KCNMA1: variants seen among roughly 807,000 people sequenced by gnomAD.
The protein encoded by KCNMA1 is Calcium-activated potassium channel subunit alpha-1.
Under a neutral mutation model 140.0 loss-of-function variants are expected in KCNMA1, and 29 were observed. The observed-to-expected ratio is 0.21, with a 90% confidence interval of 0.15 to 0.28. KCNMA1 has a LOEUF of 0.28. KCNMA1 is among the 10% of genes least tolerant of loss of function. The pLI, the probability that KCNMA1 is intolerant of heterozygous loss-of-function variation, is 1.00. For missense variants in KCNMA1, 880 were observed against 1,602.2 expected (o/e 0.55, Z 7.70); for synonymous variants, 612 against 611.9 (o/e 1.00, Z 0.00).
At position 77,019,001 on chromosome 10, in the gene KCNMA1, A is replaced by C; in HGVS notation, c.2015+12T>G. 1 of 1,494,384 alleles carries C rather than the reference A, an allele frequency of 6.7e-7. No homozygotes were observed. The highest frequency in any genetic ancestry group is 9.3e-7 in the Non-Finnish European group (1 of 1,071,316). The allele number at this position is 1,494,384 out of a possible 1,614,324, so 92.6% of individuals were successfully genotyped here. A position where few individuals can be genotyped will look rare whatever the true frequency, so the allele number is the denominator to read the frequency against. ...GGGCCAGAAAGAAAGCCAGTTGAAA[A>C]TAAACTCTTACCTTTTAACTTCTTT... On this transcript the variant is annotated intron_variant, in intron 17 of 27. Transcript: ENST00000286628.
intron 1 of KCNMA1, among the ~76,000 whole-genome samples, chr10:77,449,541 A>T (rs2097588211): frequency 6.6e-6 from 1 of 152,066 alleles, no homozygotes; most frequent in Non-Finnish European, 1.5e-5. Context: ...GGTGGGCAGA[A>T]AACTTTTACT....
intron 5 of KCNMA1, among the ~76,000 whole-genome samples, chr10:77,161,561 T>C (rs2098554806): frequency 6.6e-6 from 1 of 152,146 alleles, no homozygotes; most frequent in South Asian, 2.1e-4. Context: ...TAATAGTAGT[T>C]ACTGCATTGC....
chr10:77,195,173 G>T (rs922124584), intron 3 of KCNMA1, among the ~76,000 whole-genome samples: 1 of 152,106 alleles, frequency 6.6e-6, no homozygotes, highest in Non-Finnish European at 1.5e-5. Flanking sequence ...AAATAAAATA[G>T]CTGTGTCTTA....
intron 3 of KCNMA1, among the ~76,000 whole-genome samples, chr10:77,218,549 T>C (rs2048534906): frequency 1.3e-5 from 2 of 152,068 alleles, no homozygotes; most frequent in African/African-American, 4.8e-5. Flanking sequence ...AGTAGAAGTC[T>C]CCTCTGAGCT....
At chr10:76,996,608 C>CAG (rs141376685) in intron 19 of KCNMA1, among the ~76,000 whole-genome samples, 292 of 150,230 alleles carry the variant, frequency 1.9e-3, no homozygotes, top group African/African-American at 5.7e-3. Flanking sequence ...GATATTGACA[C>CAG]AGAGAGAGAG....
chr10:77,207,140 T>C (rs1463472145), intron 3 of KCNMA1, among the ~76,000 whole-genome samples: 1 of 152,202 alleles, frequency 6.6e-6, no homozygotes, highest in Non-Finnish European at 1.5e-5. Flanking sequence ...AATTTTTTTT[T>C]CTAGATTATG....
intron 1 of KCNMA1, among the ~76,000 whole-genome samples, chr10:77,494,948 G>A (rs575096068): frequency 5.9e-5 from 9 of 152,262 alleles, no homozygotes; most frequent in African/African-American, 1.2e-4. Context: ...GTGCATGTCT[G>A]TCTCTGTGTC....
Position 77,637,715 on chromosome 10 carries a change from T to C in KCNMA1, c.-73A>G. On this transcript the variant is annotated 5_prime_UTR_variant, in exon 1 of 28. It removes an upstream start codon present in the reference 5' UTR. Transcript: ENST00000286628. ...CCGCCAGCGCCACCCCAAACACCCA[T>C]CAACAGCCATATTGCTGCTACTGCT... The C allele has an allele frequency of 7.1e-7, 1 of 1,401,042 alleles. No individual in the cohort carries two copies. Among genetic ancestry groups the C allele is most frequent in the Non-Finnish European group, 9.2e-7 (1 of 1,091,036 alleles). 86.8% of individuals were successfully genotyped at this position (1,401,042 alleles called of 1,614,324 possible).
chr10:77,288,814 G>A (rs773089905), intron 2 of KCNMA1, among the ~76,000 whole-genome samples: 9 of 152,194 alleles, frequency 5.9e-5, no homozygotes, highest in Admixed American at 2.0e-4. Context: ...ACTGATACTC[G>A]CATTTTAACA....
intron 1 of KCNMA1, among the ~76,000 whole-genome samples, chr10:77,581,332 CAG>C (rs1354734152): frequency 1.4e-5 from 2 of 147,996 alleles, no homozygotes; most frequent in Non-Finnish European, 3.0e-5. Context: ...TTTTTTGAGA[CAG>C]AGTCTCGCTC....
At chr10:77,167,745 A>G (rs1454880811) in intron 5 of KCNMA1, among the ~76,000 whole-genome samples, 1 of 151,276 alleles carries the variant, frequency 6.6e-6, no homozygotes, top group East Asian at 2.0e-4. Flanking sequence ...CTGGAGTGCA[A>G]TGGCATGATC....
At chr10:76,951,074 G>C (rs565924495) in intron 21 of KCNMA1, among the ~76,000 whole-genome samples, 1 of 152,312 alleles carries the variant, frequency 6.6e-6, no homozygotes, top group African/African-American at 2.4e-5. Context: ...TGGGAGGCTA[G>C]CTCCCTTCAA....
chr10:77,329,234 T>C (rs980402154), intron 2 of KCNMA1, among the ~76,000 whole-genome samples: 1 of 152,194 alleles, frequency 6.6e-6, no homozygotes, highest in Non-Finnish European at 1.5e-5. Flanking sequence ...ATACCAGAAA[T>C]AACACAAATC....
chr10:77,135,923 A>G (rs1309339771), intron 5 of KCNMA1, among the ~76,000 whole-genome samples: 1 of 152,228 alleles, frequency 6.6e-6, no homozygotes, highest in African/African-American at 2.4e-5. Context: ...TAATAACCAT[A>G]TAGTATTCTT....
chr10:77,063,466 G>A (rs1467387695), intron 14 of KCNMA1, among the ~76,000 whole-genome samples: 2 of 152,048 alleles, frequency 1.3e-5, no homozygotes, highest in African/African-American at 2.4e-5. Flanking sequence ...GGTATATCAC[G>A]TAAACTGAAA....
intron 1 of KCNMA1, among the ~76,000 whole-genome samples, chr10:77,594,551 G>A (rs923735545): frequency 2.0e-5 from 3 of 152,160 alleles, no homozygotes; most frequent in Non-Finnish European, 4.4e-5. Flanking sequence ...CAGTCTCCAC[G>A]GTTCTGAACT....
At chr10:77,483,710 ATT>A (rs888888534) in intron 1 of KCNMA1, among the ~76,000 whole-genome samples, 6 of 152,158 alleles carry the variant, frequency 3.9e-5, no homozygotes, top group African/African-American at 1.2e-4. Flanking sequence ...CTGTTTGCCC[ATT>A]TTCCACATTC....
At chr10:77,151,428 A>G (rs1256728066) in intron 5 of KCNMA1, among the ~76,000 whole-genome samples, 3 of 150,776 alleles carry the variant, frequency 2.0e-5, no homozygotes, top group Non-Finnish European at 2.9e-5. Context: ...GAGTTTCACC[A>G]TGTTGGTCAG....
In KCNMA1 at chr10:76,886,826, A is replaced by C. The variant is rs1204476959; in HGVS notation, c.*440T>G. 2.8e-6 allele frequency: 3 copies of C among 1,080,486 alleles called. No individual in the cohort carries two copies. Among genetic ancestry groups the C allele is most frequent in the Non-Finnish European group, 3.4e-6 (3 of 887,118 alleles). The allele number at this position is 1,080,486 out of a possible 1,614,324, so 66.9% of individuals were successfully genotyped here. ...GTGCTAACTTATTGTGTGTATAAAA[A>C]AAGAAAGAAAGGAAAACAACAACAA... On this transcript the variant is annotated 3_prime_UTR_variant, in exon 28 of 28. Coordinates refer to ENST00000286628, the MANE Select transcript of KCNMA1 (RefSeq NM_001161352.2).
Sources: gnomAD v4.1 joint callset for allele counts (sites outside exome capture counted in the v4.1 genomes callset) on GRCh38, gnomAD v4.1.1 for gene constraint, MANE v1.5 for transcripts, NCBI Gene and HGNC (gene_info 2026-07-23, HGNC 2026-07-21) for gene names.